The following MEFV variants were observed in gnomAD, a reference collection of about 807,000 sequenced individuals.
The protein encoded by MEFV is pyrin.
MEFV carries 60 observed loss-of-function variants against 62.5 expected under a neutral mutation model. The ratio of observed to expected loss-of-function variants is 0.96; its 90% confidence interval spans 0.78 to 1.19. The LOEUF is 1.19. Ranked by LOEUF, MEFV falls within the 50% of genes most tolerant of loss-of-function variation. The pLI, the probability that MEFV is intolerant of heterozygous loss-of-function variation, is 0.00. For synonymous variants in MEFV, 500 were observed against 415.2 expected (o/e 1.20, Z -2.48); for missense variants, 1,169 against 1,004.5 (o/e 1.16, Z -2.21).
At position 3,254,743 on chromosome 16, in the gene MEFV, A is replaced by T; in HGVS notation, c.325T>A (p.Ser109Thr). 1 of 1,612,772 alleles carries T rather than the reference A, an allele frequency of 6.2e-7. No homozygotes were observed. ...NGTDDSAASS[S>T]LGENKPRSLK... ...CTCCTGGGCTTGTTCTCCCCCAGGG[A>T]GCTGGACGCTGCGGAATCATCTGTG... Residue 109 changes from serine to threonine, a missense_variant, in exon 2 of 10, where the codon TCC becomes ACC. Coordinates refer to ENST00000219596, the MANE Select transcript of MEFV (RefSeq NM_000243.3).
intron 1 of MEFV, 112 bp downstream of exon 1, chr16:3,256,199 C>G (rs1167720834): frequency 7.7e-7 from 1 of 1,301,504 alleles, no homozygotes; most frequent in Non-Finnish European, 1.1e-6. Flanking sequence ...TTTGGTAGAC[C>G]TGAGACTCCC....
chr16:3,254,687 G>A lies in MEFV; in HGVS notation c.381C>T (p.Asn127=). 6.2e-7 allele frequency: 1 copy of A among 1,612,504 alleles called. No homozygotes were observed. Among genetic ancestry groups the A allele is most frequent in the Non-Finnish European group, 8.5e-7 (1 of 1,179,946 alleles). ...CGTACGGCCGAGGGCCGTTCCCCTCGTTCCCCTCGGGGTGGTCTGGAGTCT... is the reference window on the plus strand; with the variant it reads ...CGTACGGCCGAGGGCCGTTCCCCTCATTCCCCTCGGGGTGGTCTGGAGTCT... ...SLKTPDHPEG[N]EGNGPRPYGG... is the part of the protein sequence containing the mutation. Residue 127 remains asparagine, a synonymous_variant, in exon 2 of 10, where the codon AAC becomes AAT. Coordinates refer to ENST00000219596, the MANE Select transcript of MEFV (RefSeq NM_000243.3).
chr16:3,244,733 G>A, intron 6 of MEFV, 145 bp from the exon 7 acceptor site: 1 of 721,514 alleles, frequency 1.4e-6, no homozygotes, highest in East Asian at 2.7e-5. Context: ...TGGATTCAGA[G>A]GTCTAAATGC....
Position 3,256,317 on chromosome 16 carries a change from T to C in MEFV, c.271A>G (p.Ile91Val). The C allele has an allele frequency of 6.2e-7, 1 of 1,613,718 alleles. No individual in the cohort carries two copies. The highest frequency in any genetic ancestry group is 8.5e-7 in the Non-Finnish European group (1 of 1,179,946). The change falls in exon 1 of 10, where the codon ATT (isoleucine) becomes GTT (valine). Residue 91 changes from isoleucine (I) to valine (V), a missense_variant. Physicochemically the swap from Ile to Val is conservative, Grantham distance 29. Transcript: ENST00000219596. ...GAGGCCTGGGCCCGCTTACCCTGAA[T>C]GGCTGCCCTGTGGAGCTCCTCGGCC... ...LLAEELHRAA[I>V]QEYSTQENGT... is the part of the protein sequence containing the mutation.
chr16:3,249,823 A>G, intron 2 of MEFV, 43 bp from the exon 3 acceptor site: 1 of 1,536,886 alleles, frequency 6.5e-7, no homozygotes, highest in South Asian at 1.1e-5. Flanking sequence ...GGCAAACCCA[A>G]GTTGCTTACA....
Position 3,249,728 on chromosome 16 carries a change from G to T in MEFV, c.963C>A (p.Asp321Glu), listed in dbSNP as rs771969495. The change falls in exon 3 of 10, where the codon GAC (aspartate) becomes GAA (glutamate). Residue 321 changes from aspartate (D) to glutamate (E), a missense_variant. Asp to Glu is a conservative substitution (Grantham distance 45). Transcript: ENST00000219596. ...ASPRCHAQEG[D>E]PVDGTCVRDS... ...CACGCACACAGGTACCGTCAACTGG[G>T]TCTCCTTCCTGGGCGTGGCAGCGGG... is the stretch of plus-strand genomic sequence containing the variant. 8.7e-6 allele frequency: 14 copies of T among 1,614,104 alleles called. No individual in the cohort carries two copies. Among genetic ancestry groups the T allele is most frequent in the East Asian group, 2.2e-5 (1 of 44,880 alleles).
At chr16:3,249,065 C>A in intron 3 of MEFV, 61 bp from the exon 4 acceptor site, 6 of 1,522,070 alleles carry the variant, frequency 3.9e-6, no homozygotes, top group Non-Finnish European at 5.5e-6. Flanking sequence ...TAGCTGGTGC[C>A]AACTCTGGAG....
chr16:3,243,974 G>T, intron 8 of MEFV, 82 bp from the exon 9 acceptor site: 1 of 1,585,906 alleles, frequency 6.3e-7, no homozygotes, highest in East Asian at 2.3e-5. Flanking sequence ...TGACAACAAG[G>T]AAAGACAAGG....
At chr16:3,252,132 C>T in intron 2 of MEFV, 1 of 209,822 alleles carries the variant, frequency 4.8e-6, no homozygotes, top group Non-Finnish European at 1.0e-5. Flanking sequence ...TTTCAGGTCA[C>T]TATTCCTAAG....
At chr16:3,251,878 A>T in intron 2 of MEFV, 1 of 201,304 alleles carries the variant, frequency 5.0e-6, no homozygotes. Context: ...CCTGCATCAG[A>T]TTAACGAAGC....
Position 3,254,528 on chromosome 16 carries a change from C to G in MEFV, c.540G>C (p.Pro180=), listed in dbSNP as rs104895139. 1.9e-6 allele frequency: 3 copies of G among 1,554,626 alleles called. No individual in the cohort carries two copies. Among genetic ancestry groups the G allele is most frequent in the South Asian group, 1.2e-5 (1 of 86,554 alleles). ...CGGGGCTTCTCCCGCCCGGCAGGGCCGGGCTCCGGGTCCGAGGCTTGCCCT... is the reference window on the plus strand; with the variant it reads ...CGGGGCTTCTCCCGCCCGGCAGGGCGGGGCTCCGGGTCCGAGGCTTGCCCT... The part of the protein sequence containing the change: ...DAQGKPRTRS[P]ALPGGRSPGP... The change falls in exon 2 of 10, where the codon CCG becomes CCC. Residue 180 remains proline (P), a synonymous_variant. Coordinates refer to ENST00000219596, the MANE Select transcript of MEFV (RefSeq NM_000243.3).
In MEFV at chr16:3,254,594, C is replaced by G; in HGVS notation, c.474G>C (p.Leu158=). 4.4e-6 allele frequency: 7 copies of G among 1,596,020 alleles called. No individual in the cohort carries two copies. The highest frequency in any genetic ancestry group is 1.1e-5 in the South Asian group (1 of 90,188). ...EAGRGLSRKP[L]SKRREKASEG... ...CCGAGGCCTTCTCTCTGCGTTTGCT[C>G]AGGGGCTTCCTCGACAGCCCCCTCC... Residue 158 remains leucine (L), a synonymous_variant, in exon 2 of 10, where the codon CTG becomes CTC. Transcript: ENST00000219596.
intron 2 of MEFV, among the ~76,000 whole-genome samples, chr16:3,251,103 T>C (rs1232435687): frequency 6.6e-6 from 1 of 150,764 alleles, no homozygotes; most frequent in Non-Finnish European, 1.5e-5. Flanking sequence ...CCTCACAGTG[T>C]CCCAGAAATT....
intron 2 of MEFV, among the ~76,000 whole-genome samples, chr16:3,250,995 G>C (rs1392786161): frequency 1.5e-5 from 2 of 134,464 alleles, no homozygotes; most frequent in Non-Finnish European, 3.1e-5. Flanking sequence ...CTGCACTCCA[G>C]TCTGGGTGAC....
At chr16:3,247,287 T>C in intron 4 of MEFV, 41 bp from the exon 5 acceptor site, 1 of 1,585,256 alleles carries the variant, frequency 6.3e-7, no homozygotes, top group Non-Finnish European at 8.6e-7. Flanking sequence ...GTCTGTGCTG[T>C]GGGTGGACGT....
chr16:3,254,441 G>A lies in MEFV; in HGVS notation c.627C>T (p.Ser209=). Residue 209 remains serine (S), a synonymous_variant, in exon 2 of 10, where the codon TCC becomes TCT. Transcript: ENST00000219596. The part of the protein sequence containing the change: ...AEVRLRRNAS[S]AGRLQGLAGG... ...CCGCCAGCCCCTGCAGCCTCCCCGC[G>A]GAGCTGGCGTTTCTGCGCAGCCGGA... 1.2e-6 allele frequency: 2 copies of A among 1,609,944 alleles called. No homozygotes were observed. The highest frequency in any genetic ancestry group is 2.2e-5 in the East Asian group (1 of 44,818).
At chr16:3,247,277 G>T (rs750330939) in intron 4 of MEFV, 31 bp from the exon 5 acceptor site, 2 of 1,602,048 alleles carry the variant, frequency 1.2e-6, no homozygotes, top group Non-Finnish European at 1.7e-6. Context: ...AGGTATGGGG[G>T]TCTGTGCTGT....
chr16:3,243,821 C>G (rs104895176), intron 9 of MEFV, 39 bp downstream of exon 9: 2 of 1,611,106 alleles, frequency 1.2e-6, no homozygotes, highest in Non-Finnish European at 1.7e-6. Context: ...CACAGGGATC[C>G]AGCAGGCCAG....
chr16:3,256,206 T>C (rs2141679199), intron 1 of MEFV, 105 bp downstream of exon 1: 1 of 1,369,142 alleles, frequency 7.3e-7, no homozygotes, highest in Non-Finnish European at 1.0e-6. Context: ...GACCTGAGAC[T>C]CCCAATCCCC....
Sources: gnomAD v4.1 joint callset for allele counts (sites outside exome capture counted in the v4.1 genomes callset) on GRCh38, gnomAD v4.1.1 for gene constraint, MANE v1.5 for transcripts, NCBI Gene and HGNC (gene_info 2026-07-23, HGNC 2026-07-21) for gene names.